ZNF544: variants seen among roughly 807,000 people sequenced by gnomAD.
The protein encoded by ZNF544 is zinc finger protein 544.
In ZNF544, 10 loss-of-function variants were observed where a neutral mutation model predicts 13.5. The observed-to-expected ratio is 0.74, with a 90% CI of 0.46 to 1.25. The LOEUF (loss-of-function observed/expected upper bound fraction) is 1.25. Ranked by LOEUF, ZNF544 falls within the 50% of genes most tolerant of loss-of-function variation. ZNF544 has a pLI of 0.00. For missense variants in ZNF544, 896 were observed against 845.6 expected (o/e 1.06, Z -0.74); for synonymous variants, 323 against 300.5 (o/e 1.07, Z -0.77).
In ZNF544 at chr19:58,261,012, C is replaced by G. The variant is rs559561219; in HGVS notation, c.406C>G (p.Gln136Glu). The G allele has an allele frequency of 5.6e-6, 9 of 1,614,160 alleles. No homozygotes were observed. Among genetic ancestry groups the G allele is most frequent in the Non-Finnish European group, 6.8e-6 (8 of 1,180,036 alleles). Reference sequence around the variant, plus strand: ...TCAGAGCAACCAGTTAAGGGAACACCAGGAGAACTCCTTGAGGTTCATGGT... The same window carrying G: ...TCAGAGCAACCAGTTAAGGGAACACGAGGAGAACTCCTTGAGGTTCATGGT... Reference protein sequence around the residue: ...QDQSNQLREHQENSLRFMVLT... With the variant: ...QDQSNQLREHEENSLRFMVLT... Residue 136 changes from glutamine to glutamate, a missense_variant, in exon 7 of 7, where the codon CAG becomes GAG. Gln to Glu is a conservative substitution (Grantham distance 29). Coordinates refer to ENST00000687789, the MANE Select transcript of ZNF544 (RefSeq NM_014480.4).
rs1032020257 is a variant in ZNF544, at chr19:58,262,622, C to T, written c.2016C>T (p.Ser672=). 3 of 1,613,948 alleles carry T rather than the reference C, an allele frequency of 1.9e-6. No homozygotes were observed. Among genetic ancestry groups the T allele is most frequent in the South Asian group, 2.2e-5 (2 of 91,072 alleles). The part of the protein sequence containing the change: ...CSQCGKAFSG[S]SNLLSHHRIH... Reference sequence around the variant, plus strand: ...AGTGTGGGAAAGCCTTTTCAGGGAGCTCTAACCTTCTTTCCCATCACAGAA... The same window carrying T: ...AGTGTGGGAAAGCCTTTTCAGGGAGTTCTAACCTTCTTTCCCATCACAGAA... Residue 672 remains serine (S), a synonymous_variant, in exon 7 of 7, where the codon AGC becomes AGT. Transcript: ENST00000687789.
intron 6 of ZNF544, among the ~76,000 whole-genome samples, chr19:58,276,997 T>C (rs1035350670): frequency 8.5e-5 from 13 of 152,336 alleles, no homozygotes; most frequent in African/African-American, 2.9e-4. Flanking sequence ...GCTGCTCAGG[T>C]AGACTGGAAA....
At position 58,262,089 on chromosome 19, in the gene ZNF544, A is replaced by G; in HGVS notation, c.1483A>G (p.Thr495Ala). The G allele has an allele frequency of 6.2e-7, 1 of 1,610,698 alleles. No homozygotes were observed. Among genetic ancestry groups the G allele is most frequent in the Non-Finnish European group, 8.5e-7 (1 of 1,179,420 alleles). Residue 495 changes from threonine to alanine, a missense_variant, in exon 7 of 7, where the codon ACT becomes GCT. Coordinates refer to ENST00000687789, the MANE Select transcript of ZNF544 (RefSeq NM_014480.4). ...THTGEKPFKCTQCGKSFSQKY... is the reference protein window; with the variant it reads ...THTGEKPFKCAQCGKSFSQKY... ...CACTGGAGAAAAACCCTTCAAATGT[A>G]CTCAGTGTGGGAAATCTTTCAGCCA...
rs1215859785 is a variant in ZNF544, at chr19:58,262,741, G to C, written c.2135G>C (p.Gly712Ala). Residue 712 changes from glycine (G) to alanine (A), a missense_variant, in exon 7 of 7, where the codon GGA becomes GCA. Physicochemically the swap from Gly to Ala is moderately conservative, Grantham distance 60. Transcript: ENST00000687789. ...GTAGTGCATCGGCGGACACATACTGGAGAGAAACCTTAGGAGTGCAGTCAT... is the reference window on the plus strand; with the variant it reads ...GTAGTGCATCGGCGGACACATACTGCAGAGAAACCTTAGGAGTGCAGTCAT... ...QLVVHRRTHTGEKP is the reference protein window; with the variant it reads ...QLVVHRRTHTAEKP 1 of 1,599,662 alleles carries C rather than the reference G, an allele frequency of 6.3e-7. No homozygotes were observed. Among genetic ancestry groups the C allele is most frequent in the Non-Finnish European group, 8.5e-7 (1 of 1,171,240 alleles).
intron 6 of ZNF544, among the ~76,000 whole-genome samples, chr19:58,253,512 C>T (rs1240288557): frequency 2.0e-5 from 3 of 152,212 alleles, no homozygotes; most frequent in African/African-American, 7.2e-5. Context: ...AATCTCAGCT[C>T]ACTGCAACCT....
At chr19:58,268,054 C>T (rs2050155425), downstream of ZNF544, among the ~76,000 whole-genome samples, 1 of 151,942 alleles carries the variant, frequency 6.6e-6, no homozygotes, top group South Asian at 2.1e-4. Flanking sequence ...AATCCCAACA[C>T]TTTGGGAGGC....
intron 6 of ZNF544, among the ~76,000 whole-genome samples, chr19:58,250,378 G>T (rs1001197491): frequency 2.6e-5 from 4 of 152,232 alleles, no homozygotes; most frequent in African/African-American, 9.6e-5. Flanking sequence ...CTAGATGTCT[G>T]AGGATTAGTG....
intron 3 of ZNF544, among the ~76,000 whole-genome samples, chr19:58,239,622 G>T (rs867550281): frequency 2.6e-5 from 4 of 152,344 alleles, no homozygotes; most frequent in South Asian, 2.1e-4. Flanking sequence ...TACAAGGCCA[G>T]GCATGGTGGC....
intron 5 of ZNF544, among the ~76,000 whole-genome samples, chr19:58,271,282 T>C (rs1447798393): frequency 3.3e-5 from 5 of 149,386 alleles, no homozygotes; most frequent in African/African-American, 1.2e-4. Flanking sequence ...TCAAGAAGAA[T>C]TGGAACAGAT....
Position 58,261,334 on chromosome 19 carries a change from A to C in ZNF544, c.728A>C (p.Glu243Ala), listed in dbSNP as rs762962973. ...NVETGKKNPY[E>A]YIVSGDSLNY... ...GAAACAGGAAAGAAAAACCCTTATG[A>C]ATATATTGTCAGTGGTGACTCTCTC... Residue 243 changes from glutamate to alanine, a missense_variant, in exon 7 of 7, where the codon GAA (glutamate) becomes GCA (alanine). Glu to Ala is a moderately radical substitution (Grantham distance 107, BLOSUM62 -1). Transcript: ENST00000687789. The C allele has an allele frequency of 1.9e-6, 3 of 1,614,094 alleles. No individual in the cohort carries two copies. The highest frequency in any genetic ancestry group is 2.5e-6 in the Non-Finnish European group (3 of 1,180,000).
chr19:58,265,471 A>G (rs189898654), downstream of ZNF544, among the ~76,000 whole-genome samples: 278 of 152,036 alleles, frequency 1.8e-3, 1 homozygote, highest in Admixed American at 4.0e-3. Flanking sequence ...AATTTTTTGT[A>G]CTTTTAGTAG....
intron 6 of ZNF544, chr19:58,247,255 C>CT (rs2045434175): frequency 6.5e-6 from 1 of 153,062 alleles, no homozygotes; most frequent in African/African-American, 2.4e-5. Context: ...CTGGCTAATT[C>CT]TTTTGTTTTT....
rs749212514 is a variant in ZNF544, at chr19:58,262,427, C to T, written c.1821C>T (p.Asn607=). The T allele has an allele frequency of 9.3e-6, 15 of 1,613,982 alleles. No homozygotes were observed. Among genetic ancestry groups the T allele is most frequent in the Middle Eastern group, 1.6e-4 (1 of 6,082 alleles). ...CTGGAGAAAAGCCCTATGAATGTAA[C>T]GAGTGTGGAAAAGCCTTCAATCGAA... The part of the protein sequence containing the change: ...THTGEKPYEC[N]ECGKAFNRST... The change falls in exon 7 of 7, where the codon AAC becomes AAT. Residue 607 remains asparagine (N), a synonymous_variant. Transcript: ENST00000687789.
rs1417708515 is a variant in ZNF544, at chr19:58,263,428, CGCT to C, written c.*677_*679del. The C allele has an allele frequency of 2.0e-6, 2 of 984,428 alleles. No individual in the cohort carries two copies. The highest frequency in any genetic ancestry group is 3.5e-5 in the African/African-American group (2 of 56,984). 61.0% of individuals were successfully genotyped at this position (984,428 alleles called of 1,614,324 possible). A position where few individuals can be genotyped will look rare whatever the true frequency, so the allele number is the denominator to read the frequency against. ...GTGAGCTGTGATCATGCCATCACACCGCTGCCTTGTGAGAGATTGAGACACTCT... is the reference window on the plus strand; with the variant it reads ...GTGAGCTGTGATCATGCCATCACACCGCCTTGTGAGAGATTGAGACACTCT... On this transcript the variant is annotated 3_prime_UTR_variant, in exon 7 of 7. Transcript: ENST00000687789.
intron 5 of ZNF544, among the ~76,000 whole-genome samples, chr19:58,273,464 G>A (rs887537174): frequency 6.6e-6 from 1 of 152,132 alleles, no homozygotes; most frequent in South Asian, 2.1e-4. Context: ...GCCAAGGTGG[G>A]CGGATCACCA....
Position 58,262,883 on chromosome 19 carries a change from C to G in ZNF544, c.*129C>G. ...CCAGCGGTTGTGACTCATTGAACAT[C>G]AGAGGACATATCCTGGAGAAAAGCC... On this transcript the variant is annotated 3_prime_UTR_variant, in exon 7 of 7. Transcript: ENST00000687789. 1 of 1,489,718 alleles carries G rather than the reference C, an allele frequency of 6.7e-7. No homozygotes were observed. Among genetic ancestry groups the G allele is most frequent in the East Asian group, 2.3e-5 (1 of 43,114 alleles). 92.3% of individuals were successfully genotyped at this position (1,489,718 alleles called of 1,614,324 possible).
chr19:58,235,424 G>C lies in ZNF544; in HGVS notation c.-60+4962G>C, dbSNP rs565661806. 2.6e-5 allele frequency among the ~76,000 whole-genome samples: 4 copies of C among 152,310 alleles called. No individual in the cohort carries two copies. The East Asian group carries it at 5.8e-4, about 22-fold the overall frequency. ...GAACGTCATTATGGGGCACATGACGGTAGGCACAAAATAGTAACAGTGGCT... is the reference window on the plus strand; with the variant it reads ...GAACGTCATTATGGGGCACATGACGCTAGGCACAAAATAGTAACAGTGGCT... On this transcript the variant is annotated intron_variant, in intron 3 of 6. Transcript: ENST00000687789.
intron 6 of ZNF544, chr19:58,257,564 A>C (rs1418666613): frequency 6.6e-6 from 1 of 152,180 alleles, no homozygotes; most frequent in Non-Finnish European, 1.5e-5. Flanking sequence ...TCCATTTTTC[A>C]TCTGCAACAC....
At chr19:58,238,785 C>CT (rs2042960153) in intron 3 of ZNF544, among the ~76,000 whole-genome samples, 1 of 151,774 alleles carries the variant, frequency 6.6e-6, no homozygotes, top group Non-Finnish European at 1.5e-5. Flanking sequence ...CAACGTGGGT[C>CT]TTTCCTTTCC....
Sources: gnomAD v4.1 joint callset for allele counts (sites outside exome capture counted in the v4.1 genomes callset) on GRCh38, gnomAD v4.1.1 for gene constraint, MANE v1.5 for transcripts, NCBI Gene and HGNC (gene_info 2026-07-23, HGNC 2026-07-21) for gene names.